Variants in ZNF536 observed in about 807,000 individuals in gnomAD.
ZNF536 encodes zinc finger protein 536.
In ZNF536, 13 loss-of-function variants were observed where a neutral mutation model predicts 84.5. The ratio of observed to expected loss-of-function variants is 0.15; its 90% CI spans 0.10 to 0.24. The LOEUF (loss-of-function observed/expected upper bound fraction) is 0.24, where lower values mean the gene tolerates loss of function less well. Among genes scored for constraint, ZNF536 ranks in the 10% least tolerant of loss-of-function variants. The pLI is 1.00. For synonymous variants in ZNF536, 811 were observed against 742.5 expected (o/e 1.09, Z -1.50); for missense variants, 1,536 against 1,747.5 (o/e 0.88, Z 2.16).
chr19:30,487,272 G>A (rs1358248730), intron 2 of ZNF536, among the ~76,000 whole-genome samples: 1 of 152,202 alleles, frequency 6.6e-6, no homozygotes, highest in Admixed American at 6.5e-5. Context: ...AATTAAAACA[G>A]GAATTGTGTT....
At chr19:30,681,037 C>T (rs2050947552) in intron 1 of ZNF536, among the ~76,000 whole-genome samples, 1 of 152,178 alleles carries the variant, frequency 6.6e-6, no homozygotes, top group South Asian at 2.1e-4. Flanking sequence ...CGTTATGGAA[C>T]ATCTGCCTGC....
chr19:30,437,042 G>C (rs544411826), intron 1 of ZNF536, among the ~76,000 whole-genome samples: 1 of 152,280 alleles, frequency 6.6e-6, no homozygotes, highest in Admixed American at 6.5e-5. Flanking sequence ...AGTGCAAATG[G>C]TTATTTTGAA....
At chr19:30,263,765 T>C (rs1054703218) in intron 1 of ZNF536, among the ~76,000 whole-genome samples, 1 of 152,048 alleles carries the variant, frequency 6.6e-6, no homozygotes, top group Non-Finnish European at 1.5e-5. Context: ...GACCCCGCGT[T>C]TCCATTGTTT....
At chr19:30,443,142 G>T (rs549754275) in intron 1 of ZNF536, among the ~76,000 whole-genome samples, 1 of 151,528 alleles carries the variant, frequency 6.6e-6, no homozygotes, top group African/African-American at 2.4e-5. Context: ...TTCCAAGTGG[G>T]TTTATTTGGT....
At chr19:30,299,488 G>A (rs970487775) in intron 2 of ZNF536, among the ~76,000 whole-genome samples, 2 of 152,196 alleles carry the variant, frequency 1.3e-5, no homozygotes, top group Non-Finnish European at 2.9e-5. Flanking sequence ...AGGGTAGGTG[G>A]TGGGGGTAGC....
intron 3 of ZNF536, among the ~76,000 whole-genome samples, chr19:30,359,902 G>C (rs1427788163): frequency 6.6e-6 from 1 of 152,206 alleles, no homozygotes; most frequent in Non-Finnish European, 1.5e-5. Context: ...CCTGGGACAG[G>C]CAGAAGGACA....
intron 1 of ZNF536, among the ~76,000 whole-genome samples, chr19:30,675,448 C>G (rs550080506): frequency 6.6e-6 from 1 of 152,152 alleles, no homozygotes; most frequent in African/African-American, 2.4e-5. Flanking sequence ...CTGTGGACCT[C>G]GGCTGGTCCT....
chr19:30,312,488 G>A (rs1218318541), intron 2 of ZNF536, among the ~76,000 whole-genome samples: 5 of 152,260 alleles, frequency 3.3e-5, no homozygotes, highest in East Asian at 1.9e-4. Flanking sequence ...GATTCCTTGC[G>A]ATCTTTTTTC....
At chr19:30,652,259 T>C (rs893409940) in intron 1 of ZNF536, among the ~76,000 whole-genome samples, 2 of 152,242 alleles carry the variant, frequency 1.3e-5, no homozygotes, top group Admixed American at 6.5e-5. Flanking sequence ...CATAACTTTA[T>C]TATCTTGCTG....
At chr19:30,481,611 T>A (rs1330343694) in intron 2 of ZNF536, among the ~76,000 whole-genome samples, 1 of 152,254 alleles carries the variant, frequency 6.6e-6, no homozygotes, top group African/African-American at 2.4e-5. Context: ...ATTAAATGGA[T>A]TTAATCCTTG....
intron 2 of ZNF536, among the ~76,000 whole-genome samples, chr19:30,295,710 G>C (rs2045975867): frequency 6.6e-6 from 1 of 152,148 alleles, no homozygotes; most frequent in Non-Finnish European, 1.5e-5. Flanking sequence ...ACAGTGAGCA[G>C]CCTTGGAAAA....
At chr19:30,648,986 A>C (rs1414669694) in intron 1 of ZNF536, among the ~76,000 whole-genome samples, 3 of 152,086 alleles carry the variant, frequency 2.0e-5, no homozygotes, top group Non-Finnish European at 4.4e-5. Context: ...CTGTTTCTTC[A>C]CTGAAAGAGT....
In ZNF536 at chr19:30,464,987, G is replaced by A. The variant is rs149887929; in HGVS notation, c.2170+19255G>A. Among the ~76,000 whole-genome samples, 80 of 152,258 alleles carry A rather than the reference G, an allele frequency of 5.3e-4. No homozygotes were observed. In the East Asian group the frequency reaches 7.6e-3, roughly 14 times the overall value. On this transcript the variant is annotated intron_variant, in intron 2 of 4. Transcript: ENST00000355537. ...GGACTGCCTGATGAGAACTGGGGCC[G>A]TCGGGGTTGATGAGAGAGCAGTGAT...
intron 1 of ZNF536, among the ~76,000 whole-genome samples, chr19:30,708,355 G>A (rs536408729): frequency 7.9e-5 from 12 of 152,368 alleles, no homozygotes; most frequent in Admixed American, 7.8e-4. Flanking sequence ...ACCATCTGAG[G>A]TTTGGTTTGG....
chr19:30,403,369 C>T (rs2050132733), intron 1 of ZNF536, among the ~76,000 whole-genome samples: 1 of 152,184 alleles, frequency 6.6e-6, no homozygotes, highest in Non-Finnish European at 1.5e-5. Context: ...TGAAAAAATG[C>T]TGAAAGGAGG....
intron 3 of ZNF536, among the ~76,000 whole-genome samples, chr19:30,362,777 G>C (rs1320472519): frequency 6.6e-6 from 1 of 152,038 alleles, no homozygotes; most frequent in African/African-American, 2.4e-5. Flanking sequence ...ATGAGTGTGA[G>C]AGGCCAGGGG....
At chr19:30,563,123 G>A (rs541584604) in intron 1 of ZNF536, among the ~76,000 whole-genome samples, 19 of 152,166 alleles carry the variant, frequency 1.2e-4, no homozygotes, top group African/African-American at 2.6e-4. Flanking sequence ...GCAGAGCTTC[G>A]ATGAAGACCG....
intron 2 of ZNF536, among the ~76,000 whole-genome samples, chr19:30,486,255 A>G (rs1473044346): frequency 1.3e-5 from 2 of 151,508 alleles, no homozygotes; most frequent in African/African-American, 2.4e-5. Context: ...CTCCCTCCCA[A>G]CCTCCCCGCT....
intron 2 of ZNF536, among the ~76,000 whole-genome samples, chr19:30,337,600 C>G (rs1360877073): frequency 6.6e-6 from 1 of 152,156 alleles, no homozygotes; most frequent in African/African-American, 2.4e-5. Flanking sequence ...TGAGACAGCT[C>G]ACAGCCCATG....
Sources: allele counts gnomAD v4.1 joint callset (sites outside exome capture counted in the v4.1 genomes callset), GRCh38; gene constraint gnomAD v4.1.1; transcripts MANE v1.5; gene names NCBI Gene and HGNC (gene_info 2026-07-23, HGNC 2026-07-21).